Variants in UBE2W observed in about 807,000 individuals in gnomAD.
The protein encoded by UBE2W is ubiquitin conjugating enzyme E2 W, also known as ubiquitin-conjugating enzyme E2 W.
In UBE2W, 18 loss-of-function variants were observed where a neutral mutation model predicts 27.2. The ratio of observed to expected loss-of-function variants is 0.66; its 90% confidence interval spans 0.46 to 0.98. The LOEUF is 0.98. Among genes scored for constraint, UBE2W ranks in the 50% least tolerant of loss-of-function variants. UBE2W has a pLI of 0.00. For synonymous variants in UBE2W, 53 were observed against 57.2 expected (o/e 0.93, Z 0.33); for missense variants, 90 against 180.2 (o/e 0.50, Z 2.87).
At chr8:73,822,602 C>CAAAAAAAAAAAAAAAA (rs67427702) in intron 3 of UBE2W, among the ~76,000 whole-genome samples, 6 of 51,224 alleles carry the variant, frequency 1.2e-4, no homozygotes, top group Non-Finnish European at 1.4e-4. Context: ...CTTGCAACTG[C>CAAAAAAAAAAAAAAAA]AAAAAAAAAA....
chr8:73,806,104 A>G (rs1373755406), intron 4 of UBE2W, among the ~76,000 whole-genome samples: 2 of 152,020 alleles, frequency 1.3e-5, no homozygotes, highest in Non-Finnish European at 2.9e-5. Flanking sequence ...GCAGTGAGCC[A>G]AGATTGTGAC....
chr8:73,855,841 T>C (rs1483604122), intron 1 of UBE2W, among the ~76,000 whole-genome samples: 1 of 152,188 alleles, frequency 6.6e-6, no homozygotes, highest in Non-Finnish European at 1.5e-5. Flanking sequence ...CATTACTTAT[T>C]AAATGATTCT....
intron 1 of UBE2W, among the ~76,000 whole-genome samples, chr8:73,867,134 C>T (rs1433250834): frequency 2.0e-5 from 3 of 152,162 alleles, no homozygotes; most frequent in East Asian, 1.9e-4. Flanking sequence ...GGTGTGGTGG[C>T]TCACGCCTGT....
At chr8:73,849,512 CAAAAAAAAAAAAAAAA>C (rs71269951) in intron 1 of UBE2W, among the ~76,000 whole-genome samples, 7 of 22,776 alleles carry the variant, frequency 3.1e-4, no homozygotes, top group East Asian at 1.7e-3. Context: ...AACTCCATCT[CAAAAAAAAAAAAAAAA>C]AAAAAAAAAA....
At chr8:73,825,124 A>T in intron 3 of UBE2W, 23 bp downstream of exon 3, 1 of 1,497,412 alleles carries the variant, frequency 6.7e-7, no homozygotes, top group Non-Finnish European at 9.0e-7. Context: ...TACAAAAAAA[A>T]AAATTTAAAG....
chr8:73,860,551 G>A (rs574873575), intron 1 of UBE2W, among the ~76,000 whole-genome samples: 1 of 152,242 alleles, frequency 6.6e-6, no homozygotes, highest in African/African-American at 2.4e-5. Context: ...CAAGGCAGAA[G>A]TGAAAAACCC....
chr8:73,838,072 G>A (rs966634973), intron 1 of UBE2W, among the ~76,000 whole-genome samples: 4 of 152,126 alleles, frequency 2.6e-5, no homozygotes, highest in Non-Finnish European at 4.4e-5. Context: ...CCAAGAATCT[G>A]AGCTCTTCTA....
At chr8:73,857,994 G>A (rs1043675156) in intron 1 of UBE2W, among the ~76,000 whole-genome samples, 1 of 152,054 alleles carries the variant, frequency 6.6e-6, no homozygotes, top group Admixed American at 6.6e-5. Flanking sequence ...GAAGGCTAAG[G>A]CAGGCGGATC....
chr8:73,821,274 CT>C (rs2130891762), intron 3 of UBE2W, among the ~76,000 whole-genome samples: 1 of 152,144 alleles, frequency 6.6e-6, no homozygotes, highest in Non-Finnish European at 1.5e-5. Context: ...TCTACCTCCC[CT>C]AACCACTTCA....
At chr8:73,859,824 T>C (rs1811468455) in intron 1 of UBE2W, among the ~76,000 whole-genome samples, 1 of 152,170 alleles carries the variant, frequency 6.6e-6, no homozygotes, top group Non-Finnish European at 1.5e-5. Context: ...CTGTATTTCA[T>C]AGACATTAAC....
At position 73,867,891 on chromosome 8, in the gene UBE2W, T is replaced by C. The variant is rs558197457; in HGVS notation, c.15+10917A>G. ...TGCTATCATCAAAAAACCACCATAA[T>C]AAACACTGGCCAAACATAGAAACTG... On this transcript the variant is annotated intron_variant, in intron 1 of 5. Coordinates refer to ENST00000602593, the MANE Select transcript of UBE2W (RefSeq NM_018299.6). Among the ~76,000 whole-genome samples the C allele has an allele frequency of 4.6e-5, 7 of 152,148 alleles. No homozygotes were observed. In the South Asian group the frequency reaches 1.2e-3, roughly 27 times the overall value.
Position 73,788,518 on chromosome 8 carries a change from A to G in UBE2W, c.*5584T>C, listed in dbSNP as rs1808058183. 1 of 985,450 alleles carries G rather than the reference A, an allele frequency of 1.0e-6. No homozygotes were observed. Among genetic ancestry groups the G allele is most frequent in the Non-Finnish European group, 1.2e-6 (1 of 829,934 alleles). The allele number at this position is 985,450 out of a possible 1,614,324, so 61.0% of individuals were successfully genotyped here. The stretch of plus-strand genomic sequence containing the variant: ...AACCTGACCACCAATTTGCCTTTAC[A>G]TAAACAATCTGTGGTTAACTATGAA... On this transcript the variant is annotated 3_prime_UTR_variant, in exon 6 of 6. Coordinates refer to ENST00000602593, the MANE Select transcript of UBE2W (RefSeq NM_018299.6).
chr8:73,807,834 G>A (rs1808981357), intron 4 of UBE2W, among the ~76,000 whole-genome samples: 2 of 152,168 alleles, frequency 1.3e-5, no homozygotes. Context: ...TGATCAGGGA[G>A]ATACAGTTCT....
At chr8:73,786,180 A>G (rs1434870679), downstream of UBE2W, 1 of 974,222 alleles carries the variant, frequency 1.0e-6, no homozygotes, top group Non-Finnish European at 1.2e-6. Flanking sequence ...CCTCAGAGAT[A>G]AAGATATGAG....
intron 1 of UBE2W, chr8:73,833,718 A>C (rs1359666832): frequency 7.0e-6 from 1 of 142,342 alleles, no homozygotes; most frequent in Non-Finnish European, 1.5e-5. Context: ...CAAATAACTA[A>C]TGTTATTAAA....
chr8:73,878,159 G>A (rs555273616), intron 1 of UBE2W, among the ~76,000 whole-genome samples: 75 of 152,350 alleles, frequency 4.9e-4, no homozygotes, highest in African/African-American at 1.4e-3. Context: ...AGCTTCGAGA[G>A]GAAGGAGACA....
intron 2 of UBE2W, among the ~76,000 whole-genome samples, chr8:73,828,754 A>G (rs1402873811): frequency 1.3e-5 from 2 of 152,194 alleles, no homozygotes; most frequent in Non-Finnish European, 2.9e-5. Context: ...CACCTCAAGC[A>G]GTTATCCTTT....
chr8:73,798,105 T>C (rs560913335), intron 5 of UBE2W, among the ~76,000 whole-genome samples: 22 of 152,226 alleles, frequency 1.4e-4, no homozygotes, highest in Admixed American at 2.6e-4. Flanking sequence ...CTGGGCAACA[T>C]AGTGAAATCC....
downstream of UBE2W, among the ~76,000 whole-genome samples, chr8:73,784,521 T>C (rs914420763): frequency 6.6e-6 from 1 of 152,198 alleles, no homozygotes; most frequent in African/African-American, 2.4e-5. Flanking sequence ...TGGTGTCTTA[T>C]TTCCTAGAAT....
Sources: allele counts gnomAD v4.1 joint callset (sites outside exome capture counted in the v4.1 genomes callset), GRCh38; gene constraint gnomAD v4.1.1; transcripts MANE v1.5; gene names NCBI Gene and HGNC (gene_info 2026-07-23, HGNC 2026-07-21).